Variants in LIPG observed in about 807,000 individuals in gnomAD.
LIPG encodes endothelial lipase.
LIPG carries 34 observed loss-of-function variants against 51.8 expected under a neutral mutation model. The observed-to-expected ratio is 0.66, with a 90% CI of 0.50 to 0.87. The LOEUF (loss-of-function observed/expected upper bound fraction) is 0.87, where lower values mean the gene tolerates loss of function less well. Among genes scored for constraint, LIPG ranks in the 40% least tolerant of loss-of-function variants. The probability of loss-of-function intolerance (pLI) is 0.00; values close to 1 mark genes in which losing one functional copy is unlikely to be tolerated. For synonymous variants in LIPG, 246 were observed against 246.1 expected, an observed-to-expected ratio of 1.00 and a Z score of 0.00; for missense variants, 580 against 652.7, an observed-to-expected ratio of 0.89 and a Z score of 1.21.
chr18:49,567,894 A>G (rs1464933817), intron 3 of LIPG: 1 of 423,930 alleles, frequency 2.4e-6, no homozygotes, highest in Non-Finnish European at 4.2e-6. Flanking sequence ...GATCTTAGAA[A>G]CAGATGCCCT....
Position 49,598,822 on chromosome 18 carries a change from A to C in LIPG, c.*8300A>C, listed in dbSNP as rs1302423133. 6.6e-6 allele frequency: 1 copy of C among 151,998 alleles called. No homozygotes were observed. The allele number at this position is 151,998 out of a possible 1,614,324, so 9.4% of individuals were successfully genotyped here. ...CTTTTTGTCCTTGTAGATTAGTTGCATTTTCTAGAATTTTGTATAAGTGGA... is the reference window on the plus strand; with the variant it reads ...CTTTTTGTCCTTGTAGATTAGTTGCCTTTTCTAGAATTTTGTATAAGTGGA... On this transcript the variant is annotated 3_prime_UTR_variant, in exon 10 of 10. Coordinates refer to ENST00000261292, the MANE Select transcript of LIPG (RefSeq NM_006033.4).
intron 7 of LIPG, 93 bp from the exon 8 acceptor site, chr18:49,583,463 G>A (rs547350126): frequency 9.2e-6 from 9 of 973,530 alleles, no homozygotes; most frequent in Non-Finnish European, 1.5e-5. Flanking sequence ...TCTCCTGTCT[G>A]TGTGGGGTTG....
chr18:49,578,333 A>C (rs2084753465), intron 5 of LIPG, among the ~76,000 whole-genome samples: 2 of 133,206 alleles, frequency 1.5e-5, no homozygotes, highest in African/African-American at 5.9e-5. Flanking sequence ...GACGCTCCTC[A>C]CCTCCCAGAC....
At chr18:49,586,642 A>C (rs548657810) in intron 8 of LIPG, 104 bp from the exon 9 acceptor site, 1 of 819,472 alleles carries the variant, frequency 1.2e-6, no homozygotes, top group African/African-American at 1.7e-5. Flanking sequence ...GCATGGCATG[A>C]AAATTTCACC....
chr18:49,566,459 C>T (rs2084607676), intron 2 of LIPG, among the ~76,000 whole-genome samples: 1 of 152,154 alleles, frequency 6.6e-6, no homozygotes, highest in Non-Finnish European at 1.5e-5. Flanking sequence ...ACAGCAGTTT[C>T]CCACAGAAGC....
intron 1 of LIPG, among the ~76,000 whole-genome samples, chr18:49,565,018 G>A (rs906425724): frequency 7.9e-5 from 12 of 152,206 alleles, no homozygotes; most frequent in Admixed American, 3.3e-4. Flanking sequence ...AAGTAGGAAG[G>A]AAGTAGAACT....
chr18:49,575,286 C>A, intron 4 of LIPG, 83 bp from the exon 5 acceptor site: 1 of 1,059,598 alleles, frequency 9.4e-7, no homozygotes, highest in Non-Finnish European at 1.4e-6. Flanking sequence ...TCATTCTGCA[C>A]ACTCAGACTT....
At position 49,562,255 on chromosome 18, in the gene LIPG, T is replaced by G. The variant is rs1600538914; in HGVS notation, c.-54T>G. On this transcript the variant is annotated 5_prime_UTR_variant, in exon 1 of 10. Transcript: ENST00000261292. ...CGGGATTGCTGGAAACACCAAGAGG[T>G]GGTTTTTGTTTTTTAAAACTTCTGT... 1 of 1,611,702 alleles carries G rather than the reference T, an allele frequency of 6.2e-7. No homozygotes were observed. Among genetic ancestry groups the G allele is most frequent in the Non-Finnish European group, 8.5e-7 (1 of 1,179,830 alleles).
At position 49,567,567 on chromosome 18, in the gene LIPG, C is replaced by T. The variant is rs1157771313; in HGVS notation, c.405C>T (p.Val135=). ...CCCACCAGCTTTACACGGATGCGGT[C>T]AATAATACCAGGGTGGTGGGACACA... is the stretch of plus-strand genomic sequence containing the variant. ...PLAHQLYTDA[V]NNTRVVGHSI... Residue 135 remains valine, a synonymous_variant, in exon 3 of 10, where the codon GTC becomes GTT. Coordinates refer to ENST00000261292, the MANE Select transcript of LIPG (RefSeq NM_006033.4). The T allele has an allele frequency of 4.3e-6, 7 of 1,614,054 alleles. No homozygotes were observed. Among genetic ancestry groups the T allele is most frequent in the Non-Finnish European group, 5.9e-6 (7 of 1,180,022 alleles).
rs1303254063 is a variant in LIPG, at chr18:49,575,586, T to C, written c.789T>C (p.Tyr263=). Residue 263 remains tyrosine (Y), a synonymous_variant, in exon 5 of 10, where the codon TAT becomes TAC. Coordinates refer to ENST00000261292, the MANE Select transcript of LIPG (RefSeq NM_006033.4). ...GLNDVLGSIA[Y]GTITEVVKCE... ...ACGATGTCTTGGGATCAATTGCATATGGAAGTGAGTTCCCTCTTTTCTGCT... is the reference window on the plus strand; with the variant it reads ...ACGATGTCTTGGGATCAATTGCATACGGAAGTGAGTTCCCTCTTTTCTGCT... 3 of 1,613,256 alleles carry C rather than the reference T, an allele frequency of 1.9e-6. No homozygotes were observed. Among genetic ancestry groups the C allele is most frequent in the Admixed American group, 1.7e-5 (1 of 60,026 alleles).
chr18:49,575,592 T>C lies in LIPG; in HGVS notation c.793+2T>C. On this transcript the variant is annotated splice_donor_variant, in intron 5 of 9. Coordinates refer to ENST00000261292, the MANE Select transcript of LIPG (RefSeq NM_006033.4). LOFTEE classifies it high-confidence loss of function. ...TCTTGGGATCAATTGCATATGGAAG[T>C]GAGTTCCCTCTTTTCTGCTTTGTGT... 1.2e-6 allele frequency: 2 copies of C among 1,612,676 alleles called. No individual in the cohort carries two copies. The highest frequency in any genetic ancestry group is 1.7e-6 in the Non-Finnish European group (2 of 1,178,940).
chr18:49,564,876 G>C (rs892256040), intron 1 of LIPG, among the ~76,000 whole-genome samples: 3 of 152,162 alleles, frequency 2.0e-5, no homozygotes, highest in African/African-American at 4.8e-5. Flanking sequence ...AATAGCCCAG[G>C]CCCCACTGGC....
At chr18:49,561,874 C>CGTGCGGCGTCCACGCGGTGAGT, upstream of LIPG, 1 of 1,273,068 alleles carries the variant, frequency 7.9e-7, no homozygotes, top group Non-Finnish European at 9.9e-7. Context: ...CGGGGCCGAG[C>CGTGCGGCGTCCACGCGGTGAGT]GTGCGGCGTC....
intron 9 of LIPG, chr18:49,590,267 A>G: frequency 1.6e-6 from 1 of 634,992 alleles, no homozygotes; most frequent in South Asian, 1.7e-5. Context: ...CTCAGGGTCC[A>G]GAGGGTGCTG....
chr18:49,561,849 G>C (rs1315168877), upstream of LIPG: 18 of 1,253,052 alleles, frequency 1.4e-5, no homozygotes, highest in Non-Finnish European at 1.7e-5. Context: ...CCTGCGGAGC[G>C]GGCCCGGGAG....
In LIPG at chr18:49,562,308, G is replaced by T. The variant is rs199615862; in HGVS notation, c.-1G>T. ...CTTGGGAGGGGGTGTGGCGGGGCAG[G>T]ATGAGCAACTCCGTTCCTCTGCTCT... On this transcript the variant is annotated 5_prime_UTR_variant, in exon 1 of 10. Transcript: ENST00000261292. The T allele has an allele frequency of 1.3e-4, 207 of 1,612,344 alleles. 1 individual carries two copies. The East Asian group carries it at 3.6e-3, about 28-fold the overall frequency.
At position 49,586,757 on chromosome 18, in the gene LIPG, G is replaced by A. The variant is rs1260797038; in HGVS notation, c.1388G>A (p.Cys463Tyr). Reference sequence around the variant, plus strand: ...CTTTTCCCTCCTAGACTGACATTTTGTACAGAAGACCCTGAGAACACCAGC... The same window carrying A: ...CTTTTCCCTCCTAGACTGACATTTTATACAGAAGACCCTGAGAACACCAGC... The part of the protein sequence containing the change: ...SGETQRKLTF[C>Y]TEDPENTSIS... Residue 463 changes from cysteine (C) to tyrosine (Y), a missense_variant, in exon 9 of 10, where the codon TGT becomes TAT. Physicochemically the swap from Cys to Tyr is radical, Grantham distance 194. Coordinates refer to ENST00000261292, the MANE Select transcript of LIPG (RefSeq NM_006033.4). 2 of 1,613,594 alleles carry A rather than the reference G, an allele frequency of 1.2e-6. No homozygotes were observed. The highest frequency in any genetic ancestry group is 1.7e-6 in the Non-Finnish European group (2 of 1,179,534).
rs978448522 is a variant in LIPG, at chr18:49,592,037, A to T, written c.*1515A>T. ...TAAGCCCTTTTATTAATGTATAACCAGGAGAACATCTGTGCCAACGGTTGG... is the reference window on the plus strand; with the variant it reads ...TAAGCCCTTTTATTAATGTATAACCTGGAGAACATCTGTGCCAACGGTTGG... On this transcript the variant is annotated 3_prime_UTR_variant, in exon 10 of 10. Coordinates refer to ENST00000261292, the MANE Select transcript of LIPG (RefSeq NM_006033.4). 4 of 152,124 alleles carry T rather than the reference A, an allele frequency of 2.6e-5. No individual in the cohort carries two copies. Among genetic ancestry groups the T allele is most frequent in the Admixed American group, 2.6e-4 (4 of 15,256 alleles). 9.4% of individuals were successfully genotyped at this position (152,124 alleles called of 1,614,324 possible).
Position 49,562,104 on chromosome 18 carries a change from G to C in LIPG, c.-205G>C. On this transcript the variant is annotated 5_prime_UTR_variant, in exon 1 of 10. Transcript: ENST00000261292. ...GCGGCTCAGGACGAGGGCAGATCTCGTTCTGGGGCAAGCCGTTGACACTCG... is the reference window on the plus strand; with the variant it reads ...GCGGCTCAGGACGAGGGCAGATCTCCTTCTGGGGCAAGCCGTTGACACTCG... The C allele has an allele frequency of 6.9e-7, 1 of 1,452,598 alleles. No individual in the cohort carries two copies. Among genetic ancestry groups the C allele is most frequent in the Non-Finnish European group, 9.0e-7 (1 of 1,110,870 alleles). 90.0% of individuals were successfully genotyped at this position (1,452,598 alleles called of 1,614,324 possible).
Sources: allele counts gnomAD v4.1 joint callset (sites outside exome capture counted in the v4.1 genomes callset), GRCh38; gene constraint gnomAD v4.1.1; transcripts MANE v1.5; gene names NCBI Gene and HGNC (gene_info 2026-07-23, HGNC 2026-07-21).